ZCCHC7: variants seen among roughly 807,000 people sequenced by gnomAD.
ZCCHC7 encodes the protein zinc finger CCHC domain-containing protein 7.
A neutral mutation model predicts 52.0 loss-of-function variants in ZCCHC7; 35 were observed. The observed-to-expected ratio is 0.67, with a 90% confidence interval of 0.51 to 0.89. ZCCHC7 has a LOEUF of 0.89. Ranked by LOEUF, ZCCHC7 falls within the 40% of genes least tolerant of loss-of-function variation. The pLI, the probability that ZCCHC7 is intolerant of heterozygous loss-of-function variation, is 0.00. For missense variants in ZCCHC7, 574 were observed against 649.1 expected (o/e 0.88, Z 1.26); for synonymous variants, 217 against 221.5 (o/e 0.98, Z 0.18).
At chr9:37,306,526 C>T (rs536281790) in intron 5 of ZCCHC7, among the ~76,000 whole-genome samples, 3 of 150,790 alleles carry the variant, frequency 2.0e-5, no homozygotes, top group Admixed American at 1.3e-4. Context: ...AGTGCAGTGG[C>T]GTGATCTCAG....
intron 6 of ZCCHC7, among the ~76,000 whole-genome samples, chr9:37,346,153 C>T (rs1820956305): frequency 6.6e-6 from 1 of 152,084 alleles, no homozygotes; most frequent in African/African-American, 2.4e-5. Context: ...CAGGCATGCA[C>T]CACCACGCCT....
chr9:37,342,208 G>C (rs1364120568), intron 6 of ZCCHC7, among the ~76,000 whole-genome samples: 1 of 152,174 alleles, frequency 6.6e-6, no homozygotes, highest in South Asian at 2.1e-4. Context: ...TTTGCTGATG[G>C]GCTGGGTATG....
chr9:37,179,064 C>T (rs772079637), intron 2 of ZCCHC7, among the ~76,000 whole-genome samples: 62 of 152,114 alleles, frequency 4.1e-4, no homozygotes, highest in East Asian at 7.7e-4. Context: ...GCATCTTTTC[C>T]GTAGTATCTT....
chr9:37,210,347 A>C (rs1824149997), intron 2 of ZCCHC7, among the ~76,000 whole-genome samples: 1 of 152,194 alleles, frequency 6.6e-6, no homozygotes. Context: ...TTTTTCAGTG[A>C]GAAATAACCA....
At chr9:37,275,982 A>G (rs971417197) in intron 2 of ZCCHC7, among the ~76,000 whole-genome samples, 6 of 152,172 alleles carry the variant, frequency 3.9e-5, no homozygotes, top group East Asian at 1.9e-4. Flanking sequence ...AGTTTTATCA[A>G]TTTACATTAT....
chr9:37,268,302 A>G (rs1348854110), intron 2 of ZCCHC7, among the ~76,000 whole-genome samples: 4 of 152,204 alleles, frequency 2.6e-5, no homozygotes, highest in South Asian at 4.1e-4. Flanking sequence ...TACCTGGCCA[A>G]TAAGGTTTGC....
At chr9:37,320,223 G>C (rs557467602) in intron 5 of ZCCHC7, among the ~76,000 whole-genome samples, 2 of 152,092 alleles carry the variant, frequency 1.3e-5, no homozygotes, top group South Asian at 4.2e-4. Context: ...GATTACAGGC[G>C]CCTACCACCA....
At chr9:37,319,745 C>A (rs1588665564) in intron 5 of ZCCHC7, among the ~76,000 whole-genome samples, 1 of 152,054 alleles carries the variant, frequency 6.6e-6, no homozygotes, top group Admixed American at 6.6e-5. Flanking sequence ...CCTGTGTATT[C>A]TTTCAGATGT....
chr9:37,182,328 G>T (rs1046754486), intron 2 of ZCCHC7, among the ~76,000 whole-genome samples: 15 of 151,362 alleles, frequency 9.9e-5, no homozygotes, highest in Admixed American at 9.2e-4. Flanking sequence ...ATCTTCTAAT[G>T]ATTACAGTTG....
At chr9:37,211,278 A>G (rs1448090437) in intron 2 of ZCCHC7, among the ~76,000 whole-genome samples, 4 of 152,206 alleles carry the variant, frequency 2.6e-5, no homozygotes, top group Non-Finnish European at 4.4e-5. Flanking sequence ...AATTTTTTCA[A>G]TGAAGGTGTG....
intron 6 of ZCCHC7, 103 bp from the exon 7 acceptor site, chr9:37,349,254 A>G: frequency 8.6e-7 from 1 of 1,159,382 alleles, no homozygotes; most frequent in Non-Finnish European, 1.2e-6. Context: ...CAAAACTCTA[A>G]GAAACTTCTA....
At chr9:37,175,058 C>T (rs1303491155) in intron 2 of ZCCHC7, among the ~76,000 whole-genome samples, 1 of 151,424 alleles carries the variant, frequency 6.6e-6, no homozygotes, top group Non-Finnish European at 1.5e-5. Flanking sequence ...ATTGCGTGAA[C>T]CCGGGAGGTG....
chr9:37,150,958 GT>G (rs1388594459), intron 2 of ZCCHC7, among the ~76,000 whole-genome samples: 7 of 145,020 alleles, frequency 4.8e-5, no homozygotes, highest in East Asian at 4.0e-4. Flanking sequence ...TTTCTGTGGG[GT>G]TTTTTTGTTT....
intron 5 of ZCCHC7, among the ~76,000 whole-genome samples, chr9:37,315,639 A>G (rs897763696): frequency 4.0e-5 from 6 of 151,816 alleles, no homozygotes; most frequent in Non-Finnish European, 7.4e-5. Context: ...AAAGGAAGAC[A>G]TGGCTCAATT....
intron 6 of ZCCHC7, among the ~76,000 whole-genome samples, chr9:37,336,162 A>C (rs1238854590): frequency 6.6e-6 from 1 of 152,178 alleles, no homozygotes; most frequent in Non-Finnish European, 1.5e-5. Context: ...CATGATTAAC[A>C]CCAAAAACCA....
At chr9:37,338,332 G>C (rs1809897448) in intron 6 of ZCCHC7, among the ~76,000 whole-genome samples, 1 of 152,156 alleles carries the variant, frequency 6.6e-6, no homozygotes, top group East Asian at 1.9e-4. Flanking sequence ...TTCACTATTG[G>C]AAGTTATACC....
At position 37,126,451 on chromosome 9, in the gene ZCCHC7, A is replaced by T. The variant is rs142753615; in HGVS notation, c.119A>T (p.His40Leu). 2.5e-6 allele frequency: 4 copies of T among 1,613,846 alleles called. No individual in the cohort carries two copies. The highest frequency in any genetic ancestry group is 3.4e-6 in the Non-Finnish European group (4 of 1,180,034). The change falls in exon 2 of 9, where the codon CAT becomes CTT. Residue 40 changes from histidine (H) to leucine (L), a missense_variant. Around this residue, in one of 3 missense-constraint regions of ZCCHC7, gnomAD observed 403 missense variants for 461.2 expected, o/e 0.87. Transcript: ENST00000336755. The stretch of plus-strand genomic sequence containing the variant: ...GAATTTCAACTCTATAGCCAAATTC[A>T]TTATGCCCAAGATCTTGATGATGTC... Reference protein sequence around the residue: ...EVEFQLYSQIHYAQDLDDVIR... With the variant: ...EVEFQLYSQILYAQDLDDVIR...
intron 6 of ZCCHC7, among the ~76,000 whole-genome samples, chr9:37,335,144 A>G (rs1830595831): frequency 6.6e-6 from 1 of 152,138 alleles, no homozygotes; most frequent in Admixed American, 6.6e-5. Flanking sequence ...AGTTAGGAAA[A>G]CTAAGTTTTG....
intron 6 of ZCCHC7, among the ~76,000 whole-genome samples, chr9:37,348,460 A>C (rs1442903989): frequency 1.3e-5 from 2 of 150,498 alleles, no homozygotes; most frequent in South Asian, 2.1e-4. Context: ...GCTCACTGCA[A>C]CCTCCGACTC....
Sources: gnomAD v4.1 joint callset for allele counts (sites outside exome capture counted in the v4.1 genomes callset) on GRCh38, gnomAD v4.1.1 for gene constraint, gnomAD v4.1.1 regional missense constraint, MANE v1.5 for transcripts, NCBI Gene and HGNC (gene_info 2026-07-23, HGNC 2026-07-21) for gene names.